Variants in CUX1 observed in about 807,000 individuals in gnomAD.
CUX1 encodes the protein cut like homeobox 1, also known as protein CASP.
Under a neutral mutation model 158.8 loss-of-function variants are expected in CUX1, and 31 were observed. That is an observed-to-expected ratio of 0.20 (90% CI 0.15 to 0.26). The LOEUF (loss-of-function observed/expected upper bound fraction) is 0.26. Among genes scored for constraint, CUX1 ranks in the 10% least tolerant of loss-of-function variants. The pLI, the probability that CUX1 is intolerant of heterozygous loss-of-function variation, is 1.00. For missense variants in CUX1, 1,589 were observed against 2,014.6 expected, an observed-to-expected ratio of 0.79 and a Z score of 4.04; for synonymous variants, 879 against 862.1, an observed-to-expected ratio of 1.02 and a Z score of -0.34.
chr7:102,003,837 C>T (rs576451440), intron 2 of CUX1, among the ~76,000 whole-genome samples: 134 of 152,216 alleles, frequency 8.8e-4, no homozygotes, highest in African/African-American at 3.1e-3. Context: ...ACTCATAGTC[C>T]GCAGTTTGCT....
intron 15 of CUX1, among the ~76,000 whole-genome samples, chr7:102,197,722 T>C (rs921348115): frequency 6.6e-6 from 1 of 152,108 alleles, no homozygotes. Context: ...TCGATCCTCA[T>C]GCAAAGCTGG....
chr7:101,839,291 AC>A (rs1482687664), intron 1 of CUX1, among the ~76,000 whole-genome samples: 2 of 150,858 alleles, frequency 1.3e-5, no homozygotes, highest in East Asian at 1.9e-4. Flanking sequence ...GTGGTATCTG[AC>A]CCCCCTCCCC....
chr7:101,895,033 A>G (rs1424762509), intron 1 of CUX1, among the ~76,000 whole-genome samples: 3 of 151,518 alleles, frequency 2.0e-5, no homozygotes, highest in Non-Finnish European at 4.4e-5. Flanking sequence ...TAATTTATTT[A>G]TTTTTGAGAT....
At chr7:102,233,163 C>T (rs1265793949) in intron 21 of CUX1, among the ~76,000 whole-genome samples, 1 of 150,504 alleles carries the variant, frequency 6.6e-6, no homozygotes, top group Non-Finnish European at 1.5e-5. Flanking sequence ...ACATACAAAG[C>T]CTGAAGGCTT....
intron 2 of CUX1, among the ~76,000 whole-genome samples, chr7:101,958,451 C>T (rs1040249917): frequency 1.3e-5 from 2 of 150,084 alleles, no homozygotes; most frequent in African/African-American, 4.9e-5. Context: ...CCCAAAAGGA[C>T]TCTAGGGTGG....
intron 6 of CUX1, among the ~76,000 whole-genome samples, chr7:102,109,644 C>T (rs1554489510): frequency 6.6e-6 from 1 of 152,048 alleles, no homozygotes; most frequent in Non-Finnish European, 1.5e-5. Context: ...AACAGCCAGA[C>T]TTGGTGGTGC....
intron 2 of CUX1, among the ~76,000 whole-genome samples, chr7:102,020,431 T>C (rs1819204967): frequency 6.7e-6 from 1 of 149,240 alleles, no homozygotes; most frequent in South Asian, 2.1e-4. Flanking sequence ...ATTGTCTTGT[T>C]TTTAAAGACT....
intron 3 of CUX1, among the ~76,000 whole-genome samples, chr7:102,039,545 CTTGGGAGGCTGAT>C (rs1386983627): frequency 2.6e-5 from 4 of 151,494 alleles, no homozygotes; most frequent in Admixed American, 6.6e-5. Flanking sequence ...GTCCCAGCTA[CTTGGGAGGCTGAT>C]TTGGGAGGAT....
intron 14 of CUX1, chr7:102,273,262 G>C: frequency 1.4e-6 from 2 of 1,472,112 alleles, no homozygotes; most frequent in Non-Finnish European, 1.8e-6. Context: ...ACAGCATCCA[G>C]GCAGCCCTGC....
At chr7:101,920,639 ATT>A (rs557400768) in intron 2 of CUX1, among the ~76,000 whole-genome samples, 9 of 152,212 alleles carry the variant, frequency 5.9e-5, no homozygotes, top group Non-Finnish European at 1.0e-4. Context: ...ATCATATGAT[ATT>A]GTGTCTTTTT....
chr7:102,041,324 G>A (rs1005656985), intron 3 of CUX1, among the ~76,000 whole-genome samples: 1 of 130,564 alleles, frequency 7.7e-6, no homozygotes, highest in Non-Finnish European at 1.5e-5. Flanking sequence ...GGAGTGCAGT[G>A]GCTCACCATA....
chr7:102,030,334 A>T (rs889286858), intron 3 of CUX1, among the ~76,000 whole-genome samples: 8 of 151,906 alleles, frequency 5.3e-5, no homozygotes, highest in Non-Finnish European at 8.8e-5. Flanking sequence ...CTTTACCCAG[A>T]TCCACAGTTG....
At chr7:101,982,632 G>T (rs1352580245) in intron 2 of CUX1, among the ~76,000 whole-genome samples, 1 of 151,870 alleles carries the variant, frequency 6.6e-6, no homozygotes, top group Non-Finnish European at 1.5e-5. Context: ...TCACCATGTT[G>T]GTTAGGCTGG....
chr7:102,238,136 G>A (rs1170144274), intron 22 of CUX1, among the ~76,000 whole-genome samples: 1 of 152,194 alleles, frequency 6.6e-6, no homozygotes, highest in Non-Finnish European at 1.5e-5. Flanking sequence ...GGGCAAGCCT[G>A]ACAATGTCAG....
At chr7:102,176,960 T>TTA (rs1332272495) in intron 10 of CUX1, among the ~76,000 whole-genome samples, 1 of 151,776 alleles carries the variant, frequency 6.6e-6, no homozygotes, top group African/African-American at 2.4e-5. Flanking sequence ...TTTTTTTTTT[T>TTA]TAATACCTTA....
rs782188668 is a variant in CUX1 at position 102,249,018 on chromosome 7, G to A, written c.4494G>A (p.Glu1498=). 7.2e-7 allele frequency: 1 copy of A among 1,384,942 alleles called. No individual in the cohort carries two copies. The highest frequency in any genetic ancestry group is 3.0e-5 in the East Asian group (1 of 33,706). 85.8% of individuals were successfully genotyped at this position (1,384,942 alleles called of 1,614,324 possible). ...GCCTGGAGAAGGCCGCCAGCCGGGA[G>A]GAACCTATCGAATGGGAGTTCTGAG... ...IHRLEKAASR[E]EPIEWEF is the part of the protein sequence containing the mutation. The change falls in exon 24 of 24, where the codon GAG becomes GAA. Residue 1498 remains glutamate (E), a synonymous_variant. Transcript: ENST00000292535.
At chr7:101,939,119 G>A (rs1409332606) in intron 2 of CUX1, among the ~76,000 whole-genome samples, 1 of 101,050 alleles carries the variant, frequency 9.9e-6, no homozygotes, top group Non-Finnish European at 1.9e-5. Flanking sequence ...ATATATGATG[G>A]TTCCACTGTC....
chr7:101,956,651 A>G (rs1809816817), intron 2 of CUX1, among the ~76,000 whole-genome samples: 1 of 152,226 alleles, frequency 6.6e-6, no homozygotes, highest in Non-Finnish European at 1.5e-5. Flanking sequence ...AAAATTAGAA[A>G]TACAGTTAAA....
rs140326340 is a variant in CUX1 at position 102,276,333 on chromosome 7, G to A, written c.1563+974G>A. Among the ~76,000 whole-genome samples, 945 of 152,228 alleles carry A rather than the reference G, an allele frequency of 6.2e-3. 13 individuals carry two copies. Among genetic ancestry groups the A allele is most frequent in the African/African-American group, 0.021 (886 of 41,536 alleles). On this transcript the variant is annotated intron_variant, in intron 17 of 22. Transcript: ENST00000292538. ...TGTTTGTTTTTTGAGACCGAGTCCC[G>A]CTCTCTTGCCCAGGCTGGAGTGCAG...
Sources: gnomAD v4.1 joint callset for allele counts (sites outside exome capture counted in the v4.1 genomes callset) on GRCh38, gnomAD v4.1.1 for gene constraint, MANE v1.5 for transcripts, NCBI Gene and HGNC (gene_info 2026-07-23, HGNC 2026-07-21) for gene names.